Variants in MAN2B2 observed in about 807,000 individuals in gnomAD.
MAN2B2 encodes the protein epididymis-specific alpha-mannosidase.
Under a neutral mutation model 117.1 loss-of-function variants are expected in MAN2B2, and 106 were observed. The observed-to-expected ratio is 0.90, with a 90% confidence interval of 0.77 to 1.06. The LOEUF (loss-of-function observed/expected upper bound fraction) is 1.06. Ranked by LOEUF, MAN2B2 falls within the 50% of genes least tolerant of loss-of-function variation. MAN2B2 has a pLI of 0.00. For missense variants in MAN2B2, 1,326 were observed against 1,381.4 expected (o/e 0.96, Z 0.64); for synonymous variants, 544 against 595.1 (o/e 0.91, Z 1.25).
chr4:6,575,842 G>A (rs1370352278), intron 1 of MAN2B2, among the ~76,000 whole-genome samples: 1 of 152,224 alleles, frequency 6.6e-6, no homozygotes, highest in African/African-American at 2.4e-5. Context: ...TGGTCCCTAA[G>A]CCTCAGTTTC....
At position 6,614,236 on chromosome 4, in the gene MAN2B2, C is replaced by T; in HGVS notation, c.2582C>T (p.Pro861Leu). The T allele has an allele frequency of 6.2e-7, 1 of 1,614,122 alleles. No individual in the cohort carries two copies. Among genetic ancestry groups the T allele is most frequent in the Non-Finnish European group, 8.5e-7 (1 of 1,179,996 alleles). The change falls in exon 16 of 19, where the codon CCA becomes CTA. Residue 861 changes from proline (P) to leucine (L), a missense_variant. Coordinates refer to ENST00000285599, the MANE Select transcript of MAN2B2 (RefSeq NM_015274.3). Reference protein sequence around the residue: ...GDLAGTAPKLPGPQQQEAVTL... With the variant: ...GDLAGTAPKLLGPQQQEAVTL... ...CTTGCAGGGACTGCGCCGAAGCTCC[C>T]AGGACCCCAGCAGCAAGAGGCCGTG... is the stretch of plus-strand genomic sequence containing the variant.
intron 3 of MAN2B2, among the ~76,000 whole-genome samples, chr4:6,579,211 C>A (rs927804815): frequency 1.0e-5 from 1 of 98,274 alleles, no homozygotes; most frequent in Non-Finnish European, 2.2e-5. Context: ...CCATCACCAT[C>A]ACCACCACCA....
At position 6,583,247 on chromosome 4, in the gene MAN2B2, T is replaced by C. The variant is rs547316218; in HGVS notation, c.392-3749T>C. 3.3e-5 allele frequency among the ~76,000 whole-genome samples: 5 copies of C among 152,252 alleles called. No individual in the cohort carries two copies. In the South Asian group the frequency reaches 1.0e-3, roughly 32 times the overall value. On this transcript the variant is annotated intron_variant, in intron 3 of 18. Transcript: ENST00000285599. ...CCTCACATTTCCATTGGCCAGAACT[T>C]AATCATATGGCCTCCCTCAACTGCA...
chr4:6,620,056 C>A lies in MAN2B2; in HGVS notation c.2932+12C>A. 1 of 1,598,434 alleles carries A rather than the reference C, an allele frequency of 6.3e-7. No homozygotes were observed. The highest frequency in any genetic ancestry group is 8.5e-7 in the Non-Finnish European group (1 of 1,172,164). On this transcript the variant is annotated intron_variant, in intron 18 of 18. Transcript: ENST00000285599. ...TGGCCGCCACAGAGGTTTGGGGACC[C>A]CCGCTTCAGCTCCCTACCCAGGACT...
chr4:6,615,081 G>A (rs964855752), intron 16 of MAN2B2, among the ~76,000 whole-genome samples: 2 of 152,190 alleles, frequency 1.3e-5, no homozygotes, highest in Admixed American at 1.3e-4. Flanking sequence ...CCAAGGCCTG[G>A]CACACCTGCA....
chr4:6,600,113 G>A (rs1490119655), intron 9 of MAN2B2, among the ~76,000 whole-genome samples: 3 of 152,218 alleles, frequency 2.0e-5, no homozygotes, highest in Non-Finnish European at 4.4e-5. Flanking sequence ...TCACACACAT[G>A]GGCTGGTAGG....
chr4:6,576,709 C>T lies in MAN2B2; in HGVS notation c.270C>T (p.Asp90=), dbSNP rs368603888. The T allele has an allele frequency of 4.3e-6, 7 of 1,613,752 alleles. No homozygotes were observed. In the East Asian group the frequency reaches 6.7e-5, roughly 15 times the overall value. The change falls in exon 2 of 19, where the codon GAC becomes GAT. Residue 90 remains aspartate, a synonymous_variant. Transcript: ENST00000285599. The part of the protein sequence containing the change: ...FRLWWDGVAS[D]QQKYQVRQLL... ...TGTGGTGGGATGGCGTCGCCTCGGA[C>T]CAGCAGAAATACCAGGTAATGAGGT...
At chr4:6,579,051 T>TCACCATCACCAG (rs1726197329) in intron 3 of MAN2B2, among the ~76,000 whole-genome samples, 1 of 34,152 alleles carries the variant, frequency 2.9e-5, no homozygotes, top group Non-Finnish European at 6.0e-5. Context: ...ATCACCACCA[T>TCACCATCACCAG]CACCACCACC....
At position 6,597,268 on chromosome 4, in the gene MAN2B2, C is replaced by A; in HGVS notation, c.1213C>A (p.Gln405Lys). ...RGHLDPTWAL[Q>K]QLQQLRWAVS... ...GCATCTGGACCCCACCTGGGCCCTG[C>A]AGCAGCTCCAGCAGCTTCGCTGGGC... is the stretch of plus-strand genomic sequence containing the variant. Residue 405 changes from glutamine to lysine, a missense_variant, in exon 8 of 19, where the codon CAG becomes AAG. Transcript: ENST00000285599. The A allele has an allele frequency of 1.3e-6, 2 of 1,566,412 alleles. No individual in the cohort carries two copies. The highest frequency in any genetic ancestry group is 1.2e-5 in the South Asian group (1 of 86,146).
At chr4:6,618,387 G>T (rs892661381) in intron 17 of MAN2B2, 1 of 152,242 alleles carries the variant, frequency 6.6e-6, no homozygotes, top group African/African-American at 2.4e-5. Context: ...AGGTGACTTA[G>T]AGTCAGACAA....
chr4:6,594,490 G>T (rs375585646), intron 6 of MAN2B2, 44 bp from the exon 7 acceptor site: 7 of 1,585,872 alleles, frequency 4.4e-6, no homozygotes, highest in Non-Finnish European at 5.2e-6. Context: ...CTGGGCGAGC[G>T]CCCTGCTCCC....
rs746731421 is a variant in MAN2B2 at position 6,593,315 on chromosome 4, G to T, written c.823G>T (p.Ala275Ser). 9 of 1,613,490 alleles carry T rather than the reference G, an allele frequency of 5.6e-6. No homozygotes were observed. Among genetic ancestry groups the T allele is most frequent in the Non-Finnish European group, 7.6e-6 (9 of 1,179,834 alleles). ...GGTGGCCAACGTGAAGCAGAGGGCC[G>T]CCTGGTTCCGGACACCGCACGTCCT... Reference protein sequence around the residue: ...ALVANVKQRAAWFRTPHVLWP... With the variant: ...ALVANVKQRASWFRTPHVLWP... The change falls in exon 6 of 19, where the codon GCC becomes TCC. Residue 275 changes from alanine (A) to serine (S), a missense_variant. Transcript: ENST00000285599.
chr4:6,614,383 C>A, intron 16 of MAN2B2, 28 bp downstream of exon 16: 1 of 1,607,020 alleles, frequency 6.2e-7, no homozygotes, highest in Non-Finnish European at 8.5e-7. Flanking sequence ...GCGTCTCAGA[C>A]CTGCTCCTCC....
At chr4:6,609,729 A>G in intron 12 of MAN2B2, 69 bp from the exon 13 acceptor site, 1 of 1,532,976 alleles carries the variant, frequency 6.5e-7, no homozygotes, top group Non-Finnish European at 8.9e-7. Flanking sequence ...ACATGAAGGA[A>G]GGGAAGCAAA....
intron 12 of MAN2B2, 98 bp downstream of exon 12, chr4:6,609,396 G>T: frequency 8.1e-7 from 1 of 1,227,398 alleles, no homozygotes; most frequent in Non-Finnish European, 1.1e-6. Context: ...CTGAACCCCA[G>T]CTTCCGGGCC....
chr4:6,590,481 C>T (rs578069783), intron 5 of MAN2B2, among the ~76,000 whole-genome samples: 132 of 152,210 alleles, frequency 8.7e-4, no homozygotes, highest in Non-Finnish European at 1.4e-3. Flanking sequence ...GCTCTCGCCT[C>T]GCCTGTCCGT....
intron 10 of MAN2B2, 99 bp downstream of exon 10, chr4:6,600,855 T>C (rs1727300706): frequency 7.0e-7 from 1 of 1,422,978 alleles, no homozygotes; most frequent in South Asian, 1.3e-5. Flanking sequence ...GGAGGCCTTA[T>C]CACCTTTGTT....
At chr4:6,591,779 A>G (rs933367848) in intron 5 of MAN2B2, among the ~76,000 whole-genome samples, 1 of 152,060 alleles carries the variant, frequency 6.6e-6, no homozygotes, top group Non-Finnish European at 1.5e-5. Flanking sequence ...GGAGCCATGG[A>G]CCAGGACCCC....
At position 6,605,110 on chromosome 4, in the gene MAN2B2, T is replaced by A; in HGVS notation, c.1595T>A (p.Ile532Asn). ...SAYDLLILTT[I>N]PGLSYRHYNI... ...TATGACCTGCTTATTCTGACCACAATCCCAGGCCTCAGTTACCGGCACTAC... is the reference window on the plus strand; with the variant it reads ...TATGACCTGCTTATTCTGACCACAAACCCAGGCCTCAGTTACCGGCACTAC... The change falls in exon 11 of 19, where the codon ATC (isoleucine) becomes AAC (asparagine). Residue 532 changes from isoleucine to asparagine, a missense_variant. By Grantham distance (149) the Ile-to-Asn change is moderately radical. Transcript: ENST00000285599. 1 of 1,614,072 alleles carries A rather than the reference T, an allele frequency of 6.2e-7. No homozygotes were observed. Among genetic ancestry groups the A allele is most frequent in the South Asian group, 1.1e-5 (1 of 91,070 alleles).
Sources: gnomAD v4.1 joint callset for allele counts (sites outside exome capture counted in the v4.1 genomes callset) on GRCh38, gnomAD v4.1.1 for gene constraint, MANE v1.5 for transcripts, NCBI Gene and HGNC (gene_info 2026-07-23, HGNC 2026-07-21) for gene names.